Variants in CNKSR2 observed in about 807,000 individuals in gnomAD.
CNKSR2 encodes the protein CNK homolog protein 2.
CNKSR2 carries 14 observed loss-of-function variants against 84.4 expected under a neutral mutation model. That is an observed-to-expected ratio of 0.17 (90% confidence interval 0.11 to 0.26). CNKSR2 has a LOEUF of 0.26. Ranked by LOEUF, CNKSR2 falls within the 10% of genes least tolerant of loss-of-function variation. CNKSR2 has a pLI of 1.00. For missense variants in CNKSR2, 485 were observed against 771.2 expected, an observed-to-expected ratio of 0.63 and a Z score of 4.40; for synonymous variants, 275 against 277.9, an observed-to-expected ratio of 0.99 and a Z score of 0.10.
At chrX:21,407,729 AG>A (rs1233555574) in intron 1 of CNKSR2, among the ~76,000 whole-genome samples, 1 of 111,539 alleles carries the variant, frequency 9.0e-6, no homozygotes, top group African/African-American at 3.2e-5. Flanking sequence ...GGTCAAGATC[AG>A]AGCGCTTTGT....
At chrX:21,635,030 C>T (rs983762004) in intron 20 of CNKSR2, among the ~76,000 whole-genome samples, 2 of 106,965 alleles carry the variant, frequency 1.9e-5, no homozygotes, top group Non-Finnish European at 3.9e-5. Flanking sequence ...TCATTCCTCA[C>T]GATTCAATTA....
intron 8 of CNKSR2, among the ~76,000 whole-genome samples, chrX:21,501,876 A>G (rs2091563787): frequency 9.1e-6 from 1 of 109,803 alleles, no homozygotes; most frequent in Non-Finnish European, 1.9e-5. Flanking sequence ...ATTTTGGAAT[A>G]GAAATTAAAG....
rs781148688 is a variant in CNKSR2, at chrX:21,599,348, G to A, written c.1977-1934G>A. Among the ~76,000 whole-genome samples, 25 of 101,268 alleles carry A rather than the reference G, an allele frequency of 2.5e-4. No individual in the cohort carries two copies. In the East Asian group the frequency reaches 7.3e-3, roughly 30 times the overall value. 87.9% of individuals were successfully genotyped at this position (101,268 alleles called of 115,157 possible). On this transcript the variant is annotated intron_variant, in intron 17 of 21. Transcript: ENST00000379510. The stretch of plus-strand genomic sequence containing the variant: ...TGTTTTTTTTTGTTTTGGTGTGTGT[G>A]TGTGTGTGTGTGTGTGTGTGTGTGT...
chrX:21,495,513 G>C (rs910369727), intron 6 of CNKSR2: 1 of 109,381 alleles, frequency 9.1e-6, no homozygotes, highest in East Asian at 2.8e-4. Flanking sequence ...GCCAGGCACC[G>C]TGGCTTATGT....
chrX:21,487,947 C>T (rs1417307182), intron 5 of CNKSR2, among the ~76,000 whole-genome samples: 1 of 112,586 alleles, frequency 8.9e-6, no homozygotes, highest in Non-Finnish European at 1.9e-5. Flanking sequence ...AGTGTAGGCC[C>T]ATGTGCAACT....
chrX:21,571,242 A>G (rs1224374965), intron 13 of CNKSR2, among the ~76,000 whole-genome samples: 2 of 112,453 alleles, frequency 1.8e-5, no homozygotes, highest in Non-Finnish European at 3.8e-5. Flanking sequence ...AGATATAATA[A>G]TAAAGAAAAA....
At chrX:21,594,829 C>T (rs1238275956) in intron 15 of CNKSR2, 145 bp from the exon 16 acceptor site, 1 of 401,997 alleles carries the variant, frequency 2.5e-6, no homozygotes, top group African/African-American at 2.5e-5. Flanking sequence ...AGCAGGTAAG[C>T]ATTGAATTCT....
intron 11 of CNKSR2, among the ~76,000 whole-genome samples, chrX:21,554,666 T>C (rs1422732724): frequency 8.9e-6 from 1 of 112,019 alleles, no homozygotes; most frequent in Non-Finnish European, 1.9e-5. Context: ...CATGATCTTG[T>C]TCTTTTTTAT....
At chrX:21,423,218 G>A (rs376643530) in intron 1 of CNKSR2, 2 of 111,383 alleles carry the variant, frequency 1.8e-5, no homozygotes, top group Admixed American at 9.6e-5. Context: ...CATCCTTTCC[G>A]TTCCTCCCTC....
intron 4 of CNKSR2, among the ~76,000 whole-genome samples, chrX:21,451,354 A>G (rs1435136989): frequency 1.8e-5 from 2 of 111,315 alleles, no homozygotes; most frequent in Non-Finnish European, 3.8e-5. Context: ...CTGGGTATAT[A>G]TCCAAAGGAC....
At chrX:21,398,460 T>C (rs888198111) in intron 1 of CNKSR2, among the ~76,000 whole-genome samples, 1 of 112,423 alleles carries the variant, frequency 8.9e-6, no homozygotes, top group Non-Finnish European at 1.9e-5. Flanking sequence ...GGTATTGTAT[T>C]TTTCAAGATT....
At chrX:21,455,372 T>G (rs1456323023) in intron 4 of CNKSR2, among the ~76,000 whole-genome samples, 1 of 111,859 alleles carries the variant, frequency 8.9e-6, no homozygotes, top group Non-Finnish European at 1.9e-5. Context: ...ATTAATGATT[T>G]TATGTGACAT....
chrX:21,575,879 C>T (rs984018660), intron 13 of CNKSR2, among the ~76,000 whole-genome samples: 1 of 112,349 alleles, frequency 8.9e-6, no homozygotes, highest in African/African-American at 3.2e-5. Context: ...AGGTTCAATT[C>T]ACTAAGAAGA....
intron 10 of CNKSR2, among the ~76,000 whole-genome samples, chrX:21,529,859 T>G (rs2147119953): frequency 9.0e-6 from 1 of 111,163 alleles, no homozygotes; most frequent in African/African-American, 3.3e-5. Flanking sequence ...TTCATATTAT[T>G]ATAGGAAATA....
chrX:21,465,000 T>G (rs1474813339), intron 4 of CNKSR2, among the ~76,000 whole-genome samples: 2 of 112,099 alleles, frequency 1.8e-5, no homozygotes, highest in Non-Finnish European at 3.8e-5. Context: ...ACCAAATCAG[T>G]CTGCTTACTT....
intron 15 of CNKSR2, chrX:21,591,773 A>T (rs950559622): frequency 9.0e-6 from 1 of 111,194 alleles, no homozygotes; most frequent in East Asian, 2.8e-4. Context: ...TTAATATAAC[A>T]GATTTATATC....
intron 1 of CNKSR2, among the ~76,000 whole-genome samples, chrX:21,401,676 G>T (rs1194772189): frequency 1.8e-5 from 2 of 111,936 alleles, no homozygotes; most frequent in African/African-American, 3.2e-5. Flanking sequence ...TTAAGAATCG[G>T]TCAGAGCAAA....
intron 14 of CNKSR2, 137 bp downstream of exon 14, chrX:21,590,757 GCTT>G (rs751201403): frequency 1.7e-5 from 10 of 590,295 alleles, no homozygotes; most frequent in Middle Eastern, 3.4e-4. Flanking sequence ...AAAGCTGCCA[GCTT>G]CTTCTTCAGT....
intron 20 of CNKSR2, among the ~76,000 whole-genome samples, chrX:21,636,496 A>G (rs1392262835): frequency 1.8e-5 from 2 of 111,379 alleles, no homozygotes; most frequent in Non-Finnish European, 3.8e-5. Flanking sequence ...CAATCTGCCA[A>G]TAGCTTGCTG....
Sources: gnomAD v4.1 joint callset for allele counts (sites outside exome capture counted in the v4.1 genomes callset) on GRCh38, gnomAD v4.1.1 for gene constraint, MANE v1.5 for transcripts, NCBI Gene and HGNC (gene_info 2026-07-23, HGNC 2026-07-21) for gene names.